ARL17A: variants seen among roughly 807,000 people sequenced by gnomAD.
The protein encoded by ARL17A is ARF like GTPase 17A.
chr17:46,541,594 T>G (rs1396711649), intron 3 of ARL17A, among the ~76,000 whole-genome samples: 1 of 150,906 alleles, frequency 6.6e-6, no homozygotes, highest in Non-Finnish European at 1.5e-5. Flanking sequence ...ACCATCCATG[T>G]TGTTGCACCT....
At chr17:46,550,405 T>G (rs1276201379), downstream of ARL17A, 3 of 757,932 alleles carry the variant, frequency 4.0e-6, 1 homozygote, top group African/African-American at 4.4e-5. Flanking sequence ...TTGTGTGTTT[T>G]TTTTTTTAGC....
chr17:46,504,886 AT>A, the ARL17A span, among the ~76,000 whole-genome samples: 1 of 124,482 alleles, frequency 8.0e-6, no homozygotes, highest in African/African-American at 3.3e-5. Context: ...TAATAAATTG[AT>A]TTAATACATT....
chr17:46,558,691 A>G (rs1385461251), intron 3 of ARL17A: 1 of 134,356 alleles, frequency 7.4e-6, no homozygotes, highest in Admixed American at 7.4e-5. Context: ...GTGCCCCGCC[A>G]GGAAATTCAG....
At chr17:46,551,362 T>G (rs534567911), downstream of ARL17A, among the ~76,000 whole-genome samples, 3 of 150,748 alleles carry the variant, frequency 2.0e-5, no homozygotes, top group African/African-American at 7.5e-5. Context: ...CTGGCAACCT[T>G]GACGCTATGC....
intron 3 of ARL17A, chr17:46,546,211 AACCGCTTT>A: frequency 1.5e-6 from 1 of 661,852 alleles, no homozygotes; most frequent in South Asian, 1.7e-5. Flanking sequence ...CTACTCAAGT[AACCGCTTT>A]ACCGCTAATT....
At chr17:46,545,470 C>T (rs1314258403) in intron 3 of ARL17A, among the ~76,000 whole-genome samples, 1 of 113,134 alleles carries the variant, frequency 8.8e-6, no homozygotes, top group Admixed American at 9.2e-5. Flanking sequence ...TAATTTTCCC[C>T]TTGGTAATTA....
intron 4 of ARL17A, among the ~76,000 whole-genome samples, chr17:46,534,457 T>C (rs1214645586): frequency 1.3e-5 from 2 of 148,872 alleles, no homozygotes; most frequent in African/African-American, 2.6e-5. Context: ...GCACCGCCCT[T>C]AATCCATTCA....
downstream of ARL17A, chr17:46,548,903 C>T (rs200096015): frequency 2.0e-4 from 326 of 1,612,670 alleles, 12 homozygotes; most frequent in African/African-American, 3.6e-3. Context: ...TCCAAGGGCG[C>T]GCCTTCTACC....
intron 4 of ARL17A, among the ~76,000 whole-genome samples, chr17:46,532,109 G>A (rs1408357727): frequency 6.7e-6 from 1 of 150,216 alleles, no homozygotes; most frequent in Non-Finnish European, 1.5e-5. Context: ...ACGTTTATCA[G>A]GCTGCTCTCG....
chr17:46,556,721 GAAC>G lies in ARL17A; in HGVS notation c.*632_*634del, dbSNP rs1389100091. ...AACCAGGTTTAAGGACCAAATGTTA[GAAC>G]AAAAGATGTGCAACCATAAAAAACA... is the stretch of plus-strand genomic sequence containing the variant. On this transcript the variant is annotated 3_prime_UTR_variant, in exon 4 of 4. Coordinates refer to ENST00000336125, the MANE Select transcript of ARL17A (RefSeq NM_001113738.2). 1 of 28,164 alleles carries G rather than the reference GAAC, an allele frequency of 3.6e-5. No individual in the cohort carries two copies. Among genetic ancestry groups the G allele is most frequent in the Non-Finnish European group, 5.5e-5 (1 of 18,288 alleles). The allele number at this position is 28,164 out of a possible 1,614,324, so 1.7% of individuals were successfully genotyped here. A position where few individuals can be genotyped will look rare whatever the true frequency, so the allele number is the denominator to read the frequency against.
chr17:46,555,792 G>GA lies in ARL17A; in HGVS notation c.*1563dup, dbSNP rs2057239899. On this transcript the variant is annotated 3_prime_UTR_variant, in exon 4 of 4. Coordinates refer to ENST00000336125, the MANE Select transcript of ARL17A (RefSeq NM_001113738.2). ...AGGAGGGAAGGTCAGGCCGCCTGGGGAGAGTCCATGAAAAAGATGGAACGT... is the reference window on the plus strand; with the variant it reads ...AGGAGGGAAGGTCAGGCCGCCTGGGGAAGAGTCCATGAAAAAGATGGAACGT... 1.9e-5 allele frequency: 4 copies of GA among 209,574 alleles called. No individual in the cohort carries two copies. The highest frequency in any genetic ancestry group is 2.9e-5 in the Non-Finnish European group (4 of 140,348). The allele number at this position is 209,574 out of a possible 1,614,324, so 13.0% of individuals were successfully genotyped here.
intron 4 of ARL17A, among the ~76,000 whole-genome samples, chr17:46,533,340 A>T (rs1289197351): frequency 6.1e-5 from 5 of 81,768 alleles, no homozygotes; most frequent in Non-Finnish European, 1.0e-4. Flanking sequence ...GTTCAGATTA[A>T]TTCCAACTTT....
chr17:46,541,151 A>G (rs1401140740), intron 3 of ARL17A, among the ~76,000 whole-genome samples: 2 of 137,648 alleles, frequency 1.5e-5, no homozygotes, highest in East Asian at 4.2e-4. Flanking sequence ...TTAGCTACTA[A>G]TCTGATTTCT....
the ARL17A span, among the ~76,000 whole-genome samples, chr17:46,502,491 A>G: frequency 6.6e-6 from 1 of 150,756 alleles, no homozygotes; most frequent in Non-Finnish European, 1.5e-5. Context: ...TAGTAGAGAC[A>G]GGGTTTCACC....
In ARL17A at chr17:46,543,094, TCTG is replaced by T. The variant is rs1445564337; in HGVS notation, c.260-4671_260-4669del. Among the ~76,000 whole-genome samples, 9 of 150,038 alleles carry T rather than the reference TCTG, an allele frequency of 6.0e-5. 1 individual carries two copies. Among genetic ancestry groups the T allele is most frequent in the African/African-American group, 2.3e-4 (9 of 39,476 alleles). On this transcript the variant is annotated intron_variant, in intron 3 of 4. Coordinates refer to the ARL17A transcript ENST00000329240. ...AGTTCTCTAAGATAGTGAGGATCTGTCTGCTTTTTTCTTGACCATTATTGGATA... is the reference window on the plus strand; with the variant it reads ...AGTTCTCTAAGATAGTGAGGATCTGTCTTTTTTCTTGACCATTATTGGATA...
rs1186281477 is a variant in ARL17A at position 46,553,028 on chromosome 17, CTGAG to C, written c.*4324_*4327del. On this transcript the variant is annotated 3_prime_UTR_variant, in exon 4 of 4. Transcript: ENST00000336125. ...TGTGATCGTGACACCGCACTCCATC[CTGAG>C]TAACAGAGGATGACACTGCACTCCA... Among the ~76,000 whole-genome samples, 4 of 143,030 alleles carry C rather than the reference CTGAG, an allele frequency of 2.8e-5. No homozygotes were observed. The highest frequency in any genetic ancestry group is 2.1e-4 in the South Asian group (1 of 4,656). The allele number at this position is 143,030 out of a possible 152,430, so 93.8% of individuals were successfully genotyped here. A position where few individuals can be genotyped will look rare whatever the true frequency, so the allele number is the denominator to read the frequency against.
intron 4 of ARL17A, among the ~76,000 whole-genome samples, chr17:46,536,785 T>C (rs1321616468): frequency 4.7e-4 from 3 of 6,422 alleles, no homozygotes; most frequent in South Asian, 2.2e-3. Flanking sequence ...TCTGGTCAAA[T>C]AAAGACAAAC....
At chr17:46,575,478 T>A (rs2057774802) in intron 2 of ARL17A, among the ~76,000 whole-genome samples, 1 of 146,938 alleles carries the variant, frequency 6.8e-6, no homozygotes, top group Admixed American at 6.8e-5. Flanking sequence ...GAACAGAGGC[T>A]GACTGAGGAG....
At chr17:46,502,167 C>T in the ARL17A span, among the ~76,000 whole-genome samples, 1 of 151,052 alleles carries the variant, frequency 6.6e-6, no homozygotes, top group Non-Finnish European at 1.5e-5. Context: ...TAAAGCTCAT[C>T]GCTGATGCAG....
Sources: allele counts gnomAD v4.1 joint callset (sites outside exome capture counted in the v4.1 genomes callset), GRCh38; gene constraint gnomAD v4.1.1; transcripts MANE v1.5; gene names NCBI Gene and HGNC (gene_info 2026-07-23, HGNC 2026-07-21).